Variants in NECAB2 observed in about 807,000 individuals in gnomAD.
NECAB2 encodes N-terminal EF-hand calcium-binding protein 2.
In NECAB2, 68 loss-of-function variants were observed where a neutral mutation model predicts 51.9. The ratio of observed to expected loss-of-function variants is 1.31; its 90% CI spans 1.08 to 1.60. The LOEUF is 1.60. Ranked by LOEUF, NECAB2 falls within the 40% of genes most tolerant of loss-of-function variation. The probability of loss-of-function intolerance (pLI) is 0.00; values close to 1 mark genes in which losing one functional copy is unlikely to be tolerated. For missense variants in NECAB2, 854 were observed against 490.3 expected, an observed-to-expected ratio of 1.74 and a Z score of -7.00; for synonymous variants, 329 against 203.5, an observed-to-expected ratio of 1.62 and a Z score of -5.25.
At chr16:84,001,958 G>C (rs2084845955) in intron 12 of NECAB2, 42 bp downstream of exon 12, 5 of 1,594,148 alleles carry the variant, frequency 3.1e-6, no homozygotes, top group Admixed American at 3.4e-5. Flanking sequence ...CACCTGACTG[G>C]AGAGAAGGGC....
chr16:83,967,328 G>A (rs1370886096), upstream of NECAB2, among the ~76,000 whole-genome samples: 1 of 150,902 alleles, frequency 6.6e-6, no homozygotes, highest in African/African-American at 2.4e-5. Context: ...CTGGCACCTA[G>A]TGGGTTCTCC....
chr16:83,990,423 C>T lies in NECAB2; in HGVS notation c.460-71C>T, dbSNP rs990645629. 1.0e-5 allele frequency: 16 copies of T among 1,568,746 alleles called. No individual in the cohort carries two copies. In the Admixed American group the frequency reaches 1.9e-4, roughly 19 times the overall value. On this transcript the variant is annotated intron_variant, in intron 5 of 12. Transcript: ENST00000305202. ...ACCAGCACCAGCTTTCCCCCAACTCCTGTGCTAGACCCCACCTCCAATTTC... is the reference window on the plus strand; with the variant it reads ...ACCAGCACCAGCTTTCCCCCAACTCTTGTGCTAGACCCCACCTCCAATTTC...
In NECAB2 at chr16:83,984,284, C is replaced by T. The variant is rs112225944; in HGVS notation, c.459+3157C>T. On this transcript the variant is annotated intron_variant, in intron 5 of 12. Coordinates refer to ENST00000305202, the MANE Select transcript of NECAB2 (RefSeq NM_019065.3). ...TGCTGGGATTACAGGCGTGAGCCACCGCGCCCGGCGGAATATTTTTAAACA... is the reference window on the plus strand; with the variant it reads ...TGCTGGGATTACAGGCGTGAGCCACTGCGCCCGGCGGAATATTTTTAAACA... Among the ~76,000 whole-genome samples the T allele has an allele frequency of 3.9e-3, 598 of 151,906 alleles. 4 individuals are homozygous for T. The highest frequency in any genetic ancestry group is 0.014 in the African/African-American group (568 of 41,446).
intron 11 of NECAB2, among the ~76,000 whole-genome samples, chr16:84,001,151 C>T (rs1253214527): frequency 6.6e-6 from 1 of 152,158 alleles, no homozygotes; most frequent in Non-Finnish European, 1.5e-5. Context: ...ACTCAGTCCC[C>T]ATGTGATCAA....
chr16:83,978,441 C>T lies in NECAB2; in HGVS notation c.227-3C>T. 1 of 1,612,728 alleles carries T rather than the reference C, an allele frequency of 6.2e-7. No individual in the cohort carries two copies. Among genetic ancestry groups the T allele is most frequent in the Non-Finnish European group, 8.5e-7 (1 of 1,178,952 alleles). ...GCTCCTTTCTCTGCTTCCTTCCTTGCAGATGATGGGAAGCTGTCCTTGGAG... is the reference window on the plus strand; with the variant it reads ...GCTCCTTTCTCTGCTTCCTTCCTTGTAGATGATGGGAAGCTGTCCTTGGAG... On this transcript the variant is annotated splice_polypyrimidine_tract_variant and splice_region_variant and intron_variant, in intron 2 of 12. Transcript: ENST00000305202.
chr16:83,967,440 T>TGGTG (rs1337713385), upstream of NECAB2, among the ~76,000 whole-genome samples: 1 of 54,094 alleles, frequency 1.8e-5, no homozygotes, highest in African/African-American at 8.0e-5. Flanking sequence ...GATGGGAGGA[T>TGGTG]GGTGGGTGGG....
rs77678231 is a variant in NECAB2, at chr16:83,996,218, C to G, written c.796-998C>G. Among the ~76,000 whole-genome samples the G allele has an allele frequency of 3.8e-3, 586 of 152,308 alleles. 4 individuals are homozygous for G. The highest frequency in any genetic ancestry group is 0.014 in the African/African-American group (568 of 41,566). On this transcript the variant is annotated intron_variant, in intron 8 of 12. Coordinates refer to ENST00000305202, the MANE Select transcript of NECAB2 (RefSeq NM_019065.3). ...CCTCATCCTCCTATGGCTTTTCCAG[C>G]CCCAGGACCCCTCACGTATGCTTGT...
At chr16:83,976,307 C>G (rs1333618577) in intron 2 of NECAB2, among the ~76,000 whole-genome samples, 1 of 152,226 alleles carries the variant, frequency 6.6e-6, no homozygotes, top group East Asian at 1.9e-4. Context: ...TGGGTTCAAG[C>G]TTCAGCTGTA....
At chr16:83,977,826 T>G (rs2084432877) in intron 2 of NECAB2, among the ~76,000 whole-genome samples, 1 of 151,946 alleles carries the variant, frequency 6.6e-6, no homozygotes, top group Admixed American at 6.6e-5. Flanking sequence ...GAAGAAAGGG[T>G]TCTTCTGTAC....
At chr16:83,974,803 G>A (rs1001564314) in intron 2 of NECAB2, among the ~76,000 whole-genome samples, 1 of 152,166 alleles carries the variant, frequency 6.6e-6, no homozygotes, top group Non-Finnish European at 1.5e-5. Context: ...GGGGAAAGAG[G>A]AATGAGTGTA....
At chr16:83,972,478 C>T (rs1381286158) in intron 2 of NECAB2, among the ~76,000 whole-genome samples, 2 of 152,216 alleles carry the variant, frequency 1.3e-5, no homozygotes, top group African/African-American at 4.8e-5. Context: ...TAGGCCTTTT[C>T]CTAGCTGGGC....
In NECAB2 at chr16:84,000,803, T is replaced by G. The variant is rs2084814783; in HGVS notation, c.1040+2T>G. On this transcript the variant is annotated splice_donor_variant, in intron 11 of 12. Coordinates refer to ENST00000305202, the MANE Select transcript of NECAB2 (RefSeq NM_019065.3). LOFTEE classifies it high-confidence loss of function. ...GGAGACAGAGGAGGCGTGGAAGAGG[T>G]GAGATGCTGGGTCCCCACAGCAGGT... The G allele has an allele frequency of 3.7e-6, 6 of 1,612,896 alleles. No individual in the cohort carries two copies. Among genetic ancestry groups the G allele is most frequent in the Non-Finnish European group, 5.1e-6 (6 of 1,179,798 alleles).
chr16:83,972,219 C>T (rs759653786), intron 2 of NECAB2, 44 bp downstream of exon 2: 17 of 1,612,890 alleles, frequency 1.1e-5, no homozygotes, highest in East Asian at 2.2e-5. Context: ...CTCCTTCTGT[C>T]CTCGTGCTTC....
intron 1 of NECAB2, among the ~76,000 whole-genome samples, chr16:83,969,879 C>T (rs1313519283): frequency 6.6e-6 from 1 of 152,172 alleles, no homozygotes; most frequent in South Asian, 2.1e-4. Flanking sequence ...CGGGGGATTC[C>T]CTCCCTTCCT....
Position 83,994,440 on chromosome 16 carries a change from C to T in NECAB2, c.715+20C>T. 1 of 1,612,544 alleles carries T rather than the reference C, an allele frequency of 6.2e-7. No individual in the cohort carries two copies. The highest frequency in any genetic ancestry group is 1.1e-5 in the South Asian group (1 of 91,028). ...CATCTGGTGAGAGAAAGCGGGGGCC[C>T]TGGTGGGGGTACCAGCTGGGGGTCC... On this transcript the variant is annotated intron_variant, in intron 7 of 12. Transcript: ENST00000305202.
chr16:83,980,909 G>A (rs1193478470), intron 4 of NECAB2, 45 bp downstream of exon 4: 2 of 1,613,210 alleles, frequency 1.2e-6, no homozygotes, highest in Non-Finnish European at 1.7e-6. Context: ...ATGCTGGGAT[G>A]GGGCTGGATG....
intron 10 of NECAB2, among the ~76,000 whole-genome samples, chr16:83,998,907 G>A (rs2084764367): frequency 6.6e-6 from 1 of 152,200 alleles, no homozygotes; most frequent in African/African-American, 2.4e-5. Context: ...GCTAAGGCAT[G>A]TGGCCAGGGC....
intron 2 of NECAB2, among the ~76,000 whole-genome samples, chr16:83,977,114 A>G (rs927782100): frequency 1.3e-5 from 2 of 152,204 alleles, no homozygotes; most frequent in African/African-American, 4.8e-5. Flanking sequence ...TCTAATCCAT[A>G]GGAAGGTGCC....
chr16:83,998,365 C>T (rs763839543), intron 10 of NECAB2, 48 bp downstream of exon 10: 2 of 1,569,614 alleles, frequency 1.3e-6, no homozygotes, highest in East Asian at 2.2e-5. Flanking sequence ...GGGAGCTCTG[C>T]CTGGCAGTGG....
Sources: allele counts gnomAD v4.1 joint callset (sites outside exome capture counted in the v4.1 genomes callset), GRCh38; gene constraint gnomAD v4.1.1; transcripts MANE v1.5; gene names NCBI Gene and HGNC (gene_info 2026-07-23, HGNC 2026-07-21).